The following PHLDB2 variants were observed in gnomAD, a reference collection of about 807,000 sequenced individuals.
PHLDB2 encodes the protein pleckstrin homology-like domain family B member 2.
A neutral mutation model predicts 123.6 loss-of-function variants in PHLDB2; 71 were observed. That is an observed-to-expected ratio of 0.57 (90% CI 0.47 to 0.70). The LOEUF is 0.70. Ranked by LOEUF, PHLDB2 falls within the 30% of genes least tolerant of loss-of-function variation. PHLDB2 has a pLI of 0.00. For missense variants in PHLDB2, 1,446 were observed against 1,519.5 expected (o/e 0.95, Z 0.80); for synonymous variants, 547 against 541.6 (o/e 1.01, Z -0.14).
At chr3:111,948,821 A>C (rs1293958021) in intron 9 of PHLDB2, 111 bp from the exon 10 acceptor site, 2 of 928,738 alleles carry the variant, frequency 2.2e-6, no homozygotes, top group Middle Eastern at 4.4e-4. Context: ...AATACCACAG[A>C]TATCTGGCTG....
chr3:111,853,824 A>G (rs902912113), intron 2 of PHLDB2, among the ~76,000 whole-genome samples: 2 of 152,114 alleles, frequency 1.3e-5, no homozygotes, highest in Non-Finnish European at 2.9e-5. Flanking sequence ...GTGAGCCAAG[A>G]TCGTGCCATT....
chr3:111,735,509 C>T (rs760215338), intron 1 of PHLDB2, among the ~76,000 whole-genome samples: 1 of 152,118 alleles, frequency 6.6e-6, no homozygotes, highest in Admixed American at 6.6e-5. Flanking sequence ...GAAATGAGGT[C>T]GACTAAATGT....
intron 13 of PHLDB2, 76 bp from the exon 14 acceptor site, chr3:111,966,527 GGTGTGTGTGT>G (rs3217516): frequency 1.9e-5 from 12 of 618,482 alleles, no homozygotes; most frequent in Non-Finnish European, 3.3e-5. Context: ...GTGTGTCTGG[GGTGTGTGTGT>G]GTGTGTGTGT....
At chr3:111,824,322 C>T (rs1315132231) in intron 1 of PHLDB2, among the ~76,000 whole-genome samples, 2 of 152,294 alleles carry the variant, frequency 1.3e-5, no homozygotes, top group East Asian at 3.9e-4. Flanking sequence ...TCTGGAGTGG[C>T]TGTTAATGGT....
At chr3:111,949,289 G>A (rs752881061) in intron 10 of PHLDB2, among the ~76,000 whole-genome samples, 5 of 152,116 alleles carry the variant, frequency 3.3e-5, no homozygotes, top group African/African-American at 4.8e-5. Flanking sequence ...TTTATGCTAC[G>A]GAGTGGAGTA....
intron 2 of PHLDB2, among the ~76,000 whole-genome samples, chr3:111,853,770 G>A (rs1162625050): frequency 1.3e-5 from 2 of 152,082 alleles, no homozygotes; most frequent in Non-Finnish European, 2.9e-5. Context: ...AGCTACTCCA[G>A]AGGCTGAAGC....
In PHLDB2 at chr3:111,959,437, G is replaced by C. The variant is rs527375998; in HGVS notation, c.2873-2671G>C. ...GGATTCATGGGAAATAAAAATCATG[G>C]GTTGGGAAAAAGATGCTTATTATTG... On this transcript the variant is annotated intron_variant, in intron 12 of 17. Transcript: ENST00000431670. Among the ~76,000 whole-genome samples the C allele has an allele frequency of 1.1e-4, 16 of 152,270 alleles. No individual in the cohort carries two copies. In the South Asian group the frequency reaches 3.1e-3, roughly 30 times the overall value.
At chr3:111,814,896 A>G (rs2062003410) in intron 1 of PHLDB2, among the ~76,000 whole-genome samples, 1 of 152,170 alleles carries the variant, frequency 6.6e-6, no homozygotes, top group Non-Finnish European at 1.5e-5. Flanking sequence ...CCCCACCCAA[A>G]TCTCATCTTG....
At chr3:111,917,821 T>C (rs2068266137) in intron 3 of PHLDB2, among the ~76,000 whole-genome samples, 1 of 152,190 alleles carries the variant, frequency 6.6e-6, no homozygotes, top group Non-Finnish European at 1.5e-5. Context: ...AAATGTATTA[T>C]CAGGATTGTC....
In PHLDB2 at chr3:111,885,622, ATTAATG is replaced by A. The variant is rs1160350261; in HGVS notation, c.1335+216_1335+221del. ...TTGGCTATCTTGAAGGCCTCCAGGA[ATTAATG>A]TTAATTTAGTTGCTCTGCGGACTTC... On this transcript the variant is annotated intron_variant, in intron 2 of 17. Coordinates refer to ENST00000431670, the MANE Select transcript of PHLDB2 (RefSeq NM_001134438.2). 3 of 729,002 alleles carry A rather than the reference ATTAATG, an allele frequency of 4.1e-6. No individual in the cohort carries two copies. The African/African-American group carries it at 5.2e-5, about 13-fold the overall frequency. 45.2% of individuals were successfully genotyped at this position (729,002 alleles called of 1,614,324 possible).
chr3:111,778,600 A>G (rs1445639705), intron 1 of PHLDB2: 1 of 152,056 alleles, frequency 6.6e-6, no homozygotes. Flanking sequence ...CCCTTTCTAG[A>G]AAAATGTACT....
intron 1 of PHLDB2, among the ~76,000 whole-genome samples, chr3:111,793,200 T>A (rs1289402539): frequency 6.6e-6 from 1 of 152,186 alleles, no homozygotes; most frequent in Admixed American, 6.5e-5. Flanking sequence ...ACTTTAGGAA[T>A]CTACCTGGCG....
At chr3:111,892,420 A>G (rs548252397) in intron 2 of PHLDB2, among the ~76,000 whole-genome samples, 21 of 152,330 alleles carry the variant, frequency 1.4e-4, no homozygotes, top group Non-Finnish European at 2.5e-4. Context: ...TGACTAGAGT[A>G]TAGGAAGCAT....
chr3:111,895,983 G>A (rs1046245861), intron 2 of PHLDB2, among the ~76,000 whole-genome samples: 1 of 151,964 alleles, frequency 6.6e-6, no homozygotes, highest in African/African-American at 2.4e-5. Flanking sequence ...AAATTACTTA[G>A]TATATCTATA....
chr3:111,942,129 A>G (rs1287538382), intron 8 of PHLDB2, among the ~76,000 whole-genome samples: 1 of 152,212 alleles, frequency 6.6e-6, no homozygotes, highest in African/African-American at 2.4e-5. Flanking sequence ...AAATAGAGAA[A>G]AACTCCCAGT....
intron 9 of PHLDB2, among the ~76,000 whole-genome samples, chr3:111,947,342 G>A (rs941571051): frequency 1.3e-5 from 2 of 152,136 alleles, no homozygotes; most frequent in Non-Finnish European, 1.5e-5. Flanking sequence ...TCTGCTTGTT[G>A]AGTACAACAA....
chr3:111,751,275 G>C (rs2059770689), intron 1 of PHLDB2, among the ~76,000 whole-genome samples: 1 of 151,938 alleles, frequency 6.6e-6, no homozygotes, highest in Non-Finnish European at 1.5e-5. Context: ...GGGCCAAAGG[G>C]CTATGGCCCA....
intron 1 of PHLDB2, among the ~76,000 whole-genome samples, chr3:111,797,062 T>C (rs2061189788): frequency 6.6e-6 from 1 of 152,208 alleles, no homozygotes; most frequent in South Asian, 2.1e-4. Flanking sequence ...GCCTACCTTC[T>C]GGTCATGCCT....
chr3:111,940,529 CT>C lies in PHLDB2; in HGVS notation c.2287-5del, dbSNP rs1559913647. 1.3e-6 allele frequency: 2 copies of C among 1,561,914 alleles called. No individual in the cohort carries two copies. The highest frequency in any genetic ancestry group is 8.8e-7 in the Non-Finnish European group (1 of 1,139,858). ...CATCTTCCTATGATCATCTCTTTTC[CT>C]CCAGGAAAAAATTTCTGCATTGAAA... On this transcript the variant is annotated splice_region_variant and splice_polypyrimidine_tract_variant and intron_variant, in intron 7 of 17. Transcript: ENST00000431670.
Sources: allele counts gnomAD v4.1 joint callset (sites outside exome capture counted in the v4.1 genomes callset), GRCh38; gene constraint gnomAD v4.1.1; transcripts MANE v1.5; gene names NCBI Gene and HGNC (gene_info 2026-07-23, HGNC 2026-07-21).